PIK3CA: variants seen among roughly 807,000 people sequenced by gnomAD.
PIK3CA encodes phosphatidylinositol 4,5-bisphosphate 3-kinase catalytic subunit alpha isoform.
A neutral mutation model predicts 138.2 loss-of-function variants in PIK3CA; 27 were observed. The ratio of observed to expected loss-of-function variants is 0.20; its 90% CI spans 0.14 to 0.27. The LOEUF is 0.27. PIK3CA is among the 10% of genes least tolerant of loss of function. The probability of loss-of-function intolerance (pLI) is 1.00; values close to 1 mark genes in which losing one functional copy is unlikely to be tolerated. For synonymous variants in PIK3CA, 358 were observed against 413.2 expected, an observed-to-expected ratio of 0.87 and a Z score of 1.62; for missense variants, 544 against 1,277.4, an observed-to-expected ratio of 0.43 and a Z score of 8.75.
rs202175608 is a variant in PIK3CA at position 179,229,290 on chromosome 3, T to C, written c.2514T>C (p.Cys838=). The change falls in exon 18 of 21, where the codon TGT becomes TGC. Residue 838 remains cysteine, a synonymous_variant. Transcript: ENST00000263967. ...GLDLRMLPYG[C]LSIGDCVGLI... is the part of the protein sequence containing the mutation. ...CTTTCAGAATGTTACCTTATGGTTG[T>C]CTGTCAATCGGTGACTGTGTGGGAC... 1.5e-4 allele frequency: 239 copies of C among 1,611,338 alleles called. 1 individual carries two copies. The highest frequency in any genetic ancestry group is 2.0e-4 in the Non-Finnish European group (233 of 1,178,858).
chr3:179,222,245 A>C (rs1171148912), intron 14 of PIK3CA, among the ~76,000 whole-genome samples: 1 of 152,194 alleles, frequency 6.6e-6, no homozygotes, highest in Non-Finnish European at 1.5e-5. Context: ...AGGAAAAAAA[A>C]AAATTAAAAC....
rs2108410398 is a variant in PIK3CA at position 179,219,499 on chromosome 3, C to T, written c.1747-72C>T. On this transcript the variant is annotated intron_variant, in intron 11 of 20. Transcript: ENST00000263967. The surrounding 1 kb of genome is among the most constrained non-coding windows in gnomAD (Gnocchi z 4.2). ...CTAATTTTAAAATCAGAAGTTAAGGCAGTGTTTTAGATGGCTCATTCACAA... is the reference window on the plus strand; with the variant it reads ...CTAATTTTAAAATCAGAAGTTAAGGTAGTGTTTTAGATGGCTCATTCACAA... 1 of 715,856 alleles carries T rather than the reference C, an allele frequency of 1.4e-6. No homozygotes were observed. The highest frequency in any genetic ancestry group is 2.7e-5 in the Admixed American group (1 of 36,974). 44.3% of individuals were successfully genotyped at this position (715,856 alleles called of 1,614,324 possible).
intron 17 of PIK3CA, among the ~76,000 whole-genome samples, chr3:179,228,733 A>G (rs927164635): frequency 6.6e-6 from 1 of 152,058 alleles, no homozygotes; most frequent in African/African-American, 2.4e-5. Context: ...GTTTCATGAA[A>G]TATGTTACTT....
intron 1 of PIK3CA, among the ~76,000 whole-genome samples, chr3:179,170,086 A>G (rs1723521542): frequency 6.6e-6 from 1 of 152,006 alleles, no homozygotes; most frequent in South Asian, 2.1e-4. Flanking sequence ...GCACACACAC[A>G]CACACACACA....
chr3:179,227,136 GGTTT>G (rs1178876388), intron 17 of PIK3CA, among the ~76,000 whole-genome samples: 1 of 151,718 alleles, frequency 6.6e-6, no homozygotes, highest in Non-Finnish European at 1.5e-5. Flanking sequence ...AAATATTAAT[GGTTT>G]TTTAGTCTTG....
chr3:179,221,236 G>A (rs1025645845), intron 14 of PIK3CA, 79 bp downstream of exon 14: 149 of 873,500 alleles, frequency 1.7e-4, no homozygotes, highest in Middle Eastern at 6.9e-4. Context: ...TGTATATACA[G>A]ATCATGGTCC....
chr3:179,205,041 A>T (rs1446412001), intron 6 of PIK3CA, among the ~76,000 whole-genome samples: 1 of 142,846 alleles, frequency 7.0e-6, no homozygotes, highest in African/African-American at 2.5e-5. Flanking sequence ...AAAAAAAAAA[A>T]AAAAAAAAAA....
At chr3:179,160,116 G>A (rs1000647927) in intron 1 of PIK3CA, among the ~76,000 whole-genome samples, 2 of 152,024 alleles carry the variant, frequency 1.3e-5, no homozygotes, top group African/African-American at 4.8e-5. Flanking sequence ...GCACCCTTAG[G>A]CTACACTAGA....
intron 1 of PIK3CA, among the ~76,000 whole-genome samples, chr3:179,191,449 C>G (rs1044802675): frequency 2.6e-5 from 4 of 152,164 alleles, no homozygotes; most frequent in Non-Finnish European, 5.9e-5. Flanking sequence ...ACTTGTGGAA[C>G]ATAAATAACT....
chr3:179,207,702 T>C (rs919047702), intron 6 of PIK3CA, among the ~76,000 whole-genome samples: 1 of 152,004 alleles, frequency 6.6e-6, no homozygotes, highest in Non-Finnish European at 1.5e-5. Flanking sequence ...GCATTTTTAG[T>C]AGAGATGGGG....
At chr3:179,181,516 AAGT>A (rs1469508509) in intron 1 of PIK3CA, among the ~76,000 whole-genome samples, 2 of 152,148 alleles carry the variant, frequency 1.3e-5, no homozygotes, top group Non-Finnish European at 2.9e-5. Context: ...CTAGATGGGA[AAGT>A]AGATTTTTTA....
In PIK3CA at chr3:179,221,161, T is replaced by C. The variant is rs2108413968; in HGVS notation, c.2187+4T>C. The C allele has an allele frequency of 6.2e-7, 1 of 1,610,168 alleles. No homozygotes were observed. Reference sequence around the variant, plus strand: ...GAAGAAGGATGAAACACAAAAGGTGTGTGACTCTAGTTTGTGTTTGAGACT... The same window carrying C: ...GAAGAAGGATGAAACACAAAAGGTGCGTGACTCTAGTTTGTGTTTGAGACT... On this transcript the variant is annotated splice_donor_region_variant and intron_variant, in intron 14 of 20. Transcript: ENST00000263967.
intron 6 of PIK3CA, among the ~76,000 whole-genome samples, chr3:179,207,574 TC>T (rs1169875206): frequency 6.7e-6 from 1 of 148,780 alleles, no homozygotes; most frequent in East Asian, 2.0e-4. Flanking sequence ...GGAGGCGGAG[TC>T]TTGCTCTGTC....
chr3:179,226,818 A>G (rs1725093056), intron 17 of PIK3CA, among the ~76,000 whole-genome samples: 1 of 152,150 alleles, frequency 6.6e-6, no homozygotes, highest in African/African-American at 2.4e-5. Context: ...TGGACATTTC[A>G]GGTGACCTGC....
At chr3:179,176,589 T>G (rs1463298841) in intron 1 of PIK3CA, among the ~76,000 whole-genome samples, 1 of 152,224 alleles carries the variant, frequency 6.6e-6, no homozygotes, top group East Asian at 1.9e-4. Context: ...ATTTTGCAGC[T>G]GTTCCTTCAC....
Position 179,154,213 on chromosome 3 carries a change from G to T in PIK3CA, c.-77+5610G>T, listed in dbSNP as rs182654969. 1.4e-3 allele frequency among the ~76,000 whole-genome samples: 209 copies of T among 152,204 alleles called. No individual in the cohort carries two copies. The Middle Eastern group carries it at 0.017, about 12-fold the overall frequency. On this transcript the variant is annotated intron_variant, in intron 1 of 20. Coordinates refer to ENST00000263967, the MANE Select transcript of PIK3CA (RefSeq NM_006218.4). ...GCTCTGGTTTAGATGCCTAAAACGG[G>T]TCCTCCTGGCCAGCAGACCCAGTAC... is the stretch of plus-strand genomic sequence containing the variant.
At chr3:179,186,693 A>T (rs1438406572) in intron 1 of PIK3CA, among the ~76,000 whole-genome samples, 9 of 152,218 alleles carry the variant, frequency 5.9e-5, no homozygotes, top group Admixed American at 4.6e-4. Context: ...AGGTTTGGTT[A>T]TAAACTTGTT....
chr3:179,175,077 C>T (rs1173537564), intron 1 of PIK3CA, among the ~76,000 whole-genome samples: 1 of 152,114 alleles, frequency 6.6e-6, no homozygotes, highest in Non-Finnish European at 1.5e-5. Context: ...CTGGAAATTC[C>T]CTACACCTGC....
At chr3:179,184,356 C>T (rs575545534) in intron 1 of PIK3CA, among the ~76,000 whole-genome samples, 13 of 152,072 alleles carry the variant, frequency 8.5e-5, no homozygotes, top group Non-Finnish European at 1.5e-4. Context: ...ATTATTTGTG[C>T]CTGGGAGTAT....
Sources: gnomAD v4.1 joint callset for allele counts (sites outside exome capture counted in the v4.1 genomes callset) on GRCh38, gnomAD v4.1.1 for gene constraint, Gnocchi (gnomAD v3.1) non-coding constraint, MANE v1.5 for transcripts, NCBI Gene and HGNC (gene_info 2026-07-23, HGNC 2026-07-21) for gene names.